GPC6: variants seen among roughly 807,000 people sequenced by gnomAD.
The protein encoded by GPC6 is glypican 6.
In GPC6, 14 loss-of-function variants were observed where a neutral mutation model predicts 55.2. The ratio of observed to expected loss-of-function variants is 0.25; its 90% CI spans 0.17 to 0.40. GPC6 has a LOEUF of 0.40. GPC6 is among the 10% of genes least tolerant of loss of function. The pLI is 1.00. For missense variants in GPC6, 641 were observed against 708.5 expected (o/e 0.90, Z 1.08); for synonymous variants, 278 against 259.6 (o/e 1.07, Z -0.68).
chr13:93,310,732 C>T (rs532422125), intron 1 of GPC6, among the ~76,000 whole-genome samples: 5 of 152,216 alleles, frequency 3.3e-5, no homozygotes, highest in East Asian at 1.9e-4. Context: ...GGAGAGAAGA[C>T]GCTACTTTGT....
intron 1 of GPC6, among the ~76,000 whole-genome samples, chr13:93,527,778 A>T (rs1342878314): frequency 1.9e-4 from 29 of 152,080 alleles, no homozygotes; most frequent in Admixed American, 1.9e-3. Context: ...ATCCATCTTA[A>T]ATGATTAGTG....
intron 7 of GPC6, 130 bp from the exon 8 acceptor site, chr13:94,398,336 A>G (rs949831520): frequency 4.2e-6 from 3 of 713,088 alleles, no homozygotes; most frequent in Non-Finnish European, 7.5e-6. Flanking sequence ...TTTTCCAGGA[A>G]CTAGATCCAG....
chr13:93,953,553 A>C (rs745499441), intron 3 of GPC6, among the ~76,000 whole-genome samples: 11 of 151,866 alleles, frequency 7.2e-5, no homozygotes, highest in Non-Finnish European at 1.3e-4. Context: ...CTTTCTTTTT[A>C]CTCATTTGAC....
At chr13:94,313,803 G>A (rs542329006) in intron 6 of GPC6, among the ~76,000 whole-genome samples, 1 of 152,272 alleles carries the variant, frequency 6.6e-6, no homozygotes, top group East Asian at 1.9e-4. Flanking sequence ...TTAAGCAAGA[G>A]CTTTGGTGAC....
chr13:93,732,140 A>G (rs542440845), intron 2 of GPC6, among the ~76,000 whole-genome samples: 1 of 152,282 alleles, frequency 6.6e-6, no homozygotes, highest in South Asian at 2.1e-4. Context: ...AATGCTGCAA[A>G]TCACATCTCC....
chr13:93,217,090 C>A, the GPC6 span, among the ~76,000 whole-genome samples: 1 of 152,280 alleles, frequency 6.6e-6, no homozygotes, highest in Non-Finnish European at 1.5e-5. Flanking sequence ...CCAAAGACTT[C>A]TAATGAATAT....
At chr13:93,676,152 T>C (rs1221498926) in intron 2 of GPC6, among the ~76,000 whole-genome samples, 2 of 17,198 alleles carry the variant, frequency 1.2e-4, no homozygotes, top group African/African-American at 9.0e-5. Flanking sequence ...TATATATATA[T>C]ATATATATAT....
rs747436773 is a variant in GPC6 at position 93,751,186 on chromosome 13, C to CAAAA, written c.320-78965_320-78962dup. On this transcript the variant is annotated intron_variant, in intron 2 of 8. Transcript: ENST00000377047. ...ACAAACAAACAAACAAACAAACAAA[C>CAAAA]AAAAAATGCCTAGAAGTAAGAGGAA... Among the ~76,000 whole-genome samples, 13 of 127,900 alleles carry CAAAA rather than the reference C, an allele frequency of 1.0e-4. No homozygotes were observed. In the South Asian group the frequency reaches 3.1e-3, roughly 30 times the overall value. The allele number at this position is 127,900 out of a possible 152,430, so 83.9% of individuals were successfully genotyped here.
At chr13:93,772,450 A>G (rs1005629966) in intron 2 of GPC6, among the ~76,000 whole-genome samples, 2 of 151,974 alleles carry the variant, frequency 1.3e-5, no homozygotes, top group African/African-American at 4.8e-5. Flanking sequence ...TGGAGTTTTC[A>G]AGGATAGAAA....
intron 2 of GPC6, among the ~76,000 whole-genome samples, chr13:93,755,262 G>T (rs750205466): frequency 5.1e-4 from 77 of 151,804 alleles, no homozygotes; most frequent in Non-Finnish European, 7.9e-4. Context: ...GACACACGGA[G>T]TGAGATTTTC....
chr13:93,319,451 A>G (rs1879355493), intron 1 of GPC6, among the ~76,000 whole-genome samples: 1 of 152,170 alleles, frequency 6.6e-6, no homozygotes, highest in Admixed American at 6.6e-5. Flanking sequence ...TAGAGAAATA[A>G]AAGTTGCATC....
chr13:93,519,950 G>A (rs957489934), intron 1 of GPC6, among the ~76,000 whole-genome samples: 1 of 151,922 alleles, frequency 6.6e-6, no homozygotes, highest in African/African-American at 2.4e-5. Context: ...ATTTTGTAAT[G>A]AAACAGTGTA....
chr13:93,612,500 AACACACACAC>A lies in GPC6; in HGVS notation c.319+67113_319+67122del, dbSNP rs3138575. 2.5e-3 allele frequency among the ~76,000 whole-genome samples: 355 copies of A among 139,366 alleles called. 2 individuals carry two copies. The highest frequency in any genetic ancestry group is 3.4e-3 in the Non-Finnish European group (220 of 64,734). 91.4% of individuals were successfully genotyped at this position (139,366 alleles called of 152,430 possible). On this transcript the variant is annotated intron_variant, in intron 2 of 8. Transcript: ENST00000377047. ...GGCGATAGTGCGAGACTCCGTCTAA[AACACACACAC>A]ACACACACACACACACACACACACA...
At chr13:93,678,371 T>G (rs1465355792) in intron 2 of GPC6, among the ~76,000 whole-genome samples, 1 of 152,202 alleles carries the variant, frequency 6.6e-6, no homozygotes, top group Non-Finnish European at 1.5e-5. Context: ...TATTTTGCTA[T>G]GATACACAAT....
intron 2 of GPC6, among the ~76,000 whole-genome samples, chr13:93,790,551 A>G (rs1170717506): frequency 1.3e-5 from 2 of 152,164 alleles, no homozygotes; most frequent in Admixed American, 6.5e-5. Context: ...TTAGGAATAA[A>G]ACACATACAC....
At chr13:93,687,954 G>A (rs1386353750) in intron 2 of GPC6, among the ~76,000 whole-genome samples, 1 of 151,644 alleles carries the variant, frequency 6.6e-6, no homozygotes, top group Admixed American at 6.6e-5. Context: ...CCAGAGGCAG[G>A]CAGTCCAGGT....
intron 1 of GPC6, among the ~76,000 whole-genome samples, chr13:93,322,897 G>A (rs1017623292): frequency 2.0e-5 from 3 of 151,802 alleles, no homozygotes; most frequent in African/African-American, 7.3e-5. Flanking sequence ...CATCAACCCC[G>A]TCATCTACAT....
In GPC6 at chr13:93,836,133, A is replaced by G. The variant is rs373675651; in HGVS notation, c.711+5588A>G. 2.6e-5 allele frequency: 4 copies of G among 152,346 alleles called. No homozygotes were observed. The East Asian group carries it at 5.8e-4, about 22-fold the overall frequency. 9.4% of individuals were successfully genotyped at this position (152,346 alleles called of 1,614,324 possible). ...TTCATTCCCAACTAAACAGCTTTGCATTAATGTGTGCCTAGAAAGCAACAG... is the reference window on the plus strand; with the variant it reads ...TTCATTCCCAACTAAACAGCTTTGCGTTAATGTGTGCCTAGAAAGCAACAG... On this transcript the variant is annotated intron_variant, in intron 3 of 8. Transcript: ENST00000377047.
intron 3 of GPC6, among the ~76,000 whole-genome samples, chr13:94,015,230 T>C (rs983754293): frequency 1.3e-5 from 2 of 152,246 alleles, no homozygotes; most frequent in Admixed American, 1.3e-4. Context: ...TATTGTCATC[T>C]TAATGGTGTG....
Sources: gnomAD v4.1 joint callset for allele counts (sites outside exome capture counted in the v4.1 genomes callset) on GRCh38, gnomAD v4.1.1 for gene constraint, MANE v1.5 for transcripts, NCBI Gene and HGNC (gene_info 2026-07-23, HGNC 2026-07-21) for gene names.